SGSM1: variants seen among roughly 807,000 people sequenced by gnomAD.
SGSM1 encodes RUN and TBC1 domain containing 2.
In SGSM1, 73 loss-of-function variants were observed where a neutral mutation model predicts 133.8. The observed-to-expected ratio is 0.55, with a 90% CI of 0.45 to 0.66. SGSM1 has a LOEUF of 0.66. SGSM1 is among the 30% of genes least tolerant of loss of function. The probability of loss-of-function intolerance (pLI) is 0.00; values close to 1 mark genes in which losing one functional copy is unlikely to be tolerated. For synonymous variants in SGSM1, 563 were observed against 573.0 expected (o/e 0.98, Z 0.25); for missense variants, 1,213 against 1,448.1 (o/e 0.84, Z 2.64).
At chr22:24,822,618 G>A (rs529445231) in intron 2 of SGSM1, among the ~76,000 whole-genome samples, 2 of 152,330 alleles carry the variant, frequency 1.3e-5, no homozygotes, top group South Asian at 2.1e-4. Flanking sequence ...TGCTGGGCAT[G>A]CAGGGAGAGG....
intron 10 of SGSM1, among the ~76,000 whole-genome samples, chr22:24,867,766 C>T (rs1281076855): frequency 1.3e-5 from 2 of 152,150 alleles, no homozygotes; most frequent in Non-Finnish European, 2.9e-5. Context: ...GAACAAAACA[C>T]GGTGATTTAA....
In SGSM1 at chr22:24,859,733, T is replaced by C. The variant is rs1188746323; in HGVS notation, c.819T>C (p.Ala273=). 1.9e-6 allele frequency: 3 copies of C among 1,613,806 alleles called. No individual in the cohort carries two copies. Among genetic ancestry groups the C allele is most frequent in the African/African-American group, 2.7e-5 (2 of 74,938 alleles). The part of the protein sequence containing the change: ...VLVQPRDDME[A]VPGYLSLHQT... ...CTCTGCAGAGGGACGACATGGAGGC[T>C]GTGCCAGGGTACCTGTCCCTGCACC... The change falls in exon 9 of 25, where the codon GCT becomes GCC. Residue 273 remains alanine (A), a synonymous_variant. Transcript: ENST00000400358.
chr22:24,859,827 G>A lies in SGSM1; in HGVS notation c.913G>A (p.Asp305Asn). Residue 305 changes from aspartate to asparagine, a missense_variant, in exon 9 of 25, where the codon GAC (aspartate) becomes AAC (asparagine). Coordinates refer to ENST00000400358, the MANE Select transcript of SGSM1 (RefSeq NM_001098497.3). ...QLMNGSVGDL[D>N]YEKSVYWDYA... ...GATGAACGGGTCTGTGGGGGACCTG[G>A]ACTATGAGAAGAGGTAGGGCACTGG... is the stretch of plus-strand genomic sequence containing the variant. 1.9e-6 allele frequency: 3 copies of A among 1,613,788 alleles called. No homozygotes were observed. Among genetic ancestry groups the A allele is most frequent in the Non-Finnish European group, 2.5e-6 (3 of 1,179,816 alleles).
chr22:24,925,949 G>A lies in SGSM1; in HGVS notation c.*1675G>A, dbSNP rs956595400. On this transcript the variant is annotated 3_prime_UTR_variant, in exon 25 of 25. Transcript: ENST00000400358. ...ATAGAGCAGTCTTTCCCGCTCTTCT[G>A]TTCTGAGAATGCACCCGGAATGGGG... 3 of 152,234 alleles carry A rather than the reference G, an allele frequency of 2.0e-5. No individual in the cohort carries two copies. The highest frequency in any genetic ancestry group is 7.2e-5 in the African/African-American group (3 of 41,422). The allele number at this position is 152,234 out of a possible 1,614,324, so 9.4% of individuals were successfully genotyped here.
At chr22:24,845,945 C>CTTTCTTTCT (rs1555924239) in intron 3 of SGSM1, among the ~76,000 whole-genome samples, 517 of 32,656 alleles carry the variant, frequency 0.016, 7 homozygotes, top group African/African-American at 0.043. Flanking sequence ...CTTTTCTTTT[C>CTTTCTTTCT]TTTCTTTCTT....
At chr22:24,828,885 T>C (rs111632491) in intron 2 of SGSM1, among the ~76,000 whole-genome samples, 1 of 152,114 alleles carries the variant, frequency 6.6e-6, no homozygotes, top group African/African-American at 2.4e-5. Context: ...CATAGAATAT[T>C]ATGCAGCCAC....
Position 24,844,964 on chromosome 22 carries a change from CCTT to C in SGSM1, c.134_136del (p.Phe45del), listed in dbSNP as rs1569144218. ...CACGAAGACAGCAGCCACATCATCT[CCTT>C]CTGTGGTGAGTCTGTGACCTGGGAA... On this transcript the variant is annotated inframe_deletion, in exon 3 of 25. Transcript: ENST00000400358. 1.2e-6 allele frequency: 2 copies of C among 1,613,798 alleles called. No homozygotes were observed. Among genetic ancestry groups the C allele is most frequent in the East Asian group, 2.2e-5 (1 of 44,856 alleles).
chr22:24,863,678 C>T (rs1291072061), intron 9 of SGSM1, among the ~76,000 whole-genome samples: 1 of 151,666 alleles, frequency 6.6e-6, no homozygotes, highest in Non-Finnish European at 1.5e-5. Flanking sequence ...CCTTGGGGGA[C>T]CAAGAAGCAA....
At chr22:24,868,655 C>T in intron 11 of SGSM1, 68 bp from the exon 12 acceptor site, 4 of 1,609,250 alleles carry the variant, frequency 2.5e-6, no homozygotes, top group South Asian at 1.1e-5. Flanking sequence ...CCACTGATAC[C>T]CTCAGACTAA....
In SGSM1 at chr22:24,898,461, C is replaced by A. The variant is rs1293126654; in HGVS notation, c.2512C>A (p.Pro838Thr). The A allele has an allele frequency of 1.2e-6, 2 of 1,613,714 alleles. No individual in the cohort carries two copies. The highest frequency in any genetic ancestry group is 1.3e-5 in the African/African-American group (1 of 74,904). The change falls in exon 19 of 25, where the codon CCT becomes ACT. Residue 838 changes from proline to threonine, a missense_variant. Transcript: ENST00000400358. ...ADSEDNLSEE[P>T]EMESLFPALA... ...CAGTGAGGACAACCTCTCGGAGGAG[C>A]CTGAGATGGAAAGTCTCTTCCCTGC...
At chr22:24,920,061 G>C (rs1403127054) in intron 24 of SGSM1, 68 bp downstream of exon 24, 1 of 1,496,108 alleles carries the variant, frequency 6.7e-7, no homozygotes, top group Admixed American at 2.0e-5. Flanking sequence ...GGCATCTCAG[G>C]AGGAATGAAG....
At chr22:24,859,591 G>T in intron 8 of SGSM1, 125 bp from the exon 9 acceptor site, 1 of 1,325,764 alleles carries the variant, frequency 7.5e-7, no homozygotes, top group Non-Finnish European at 1.0e-6. Context: ...CACATGGCCA[G>T]GGCCTTGAAG....
intron 16 of SGSM1, among the ~76,000 whole-genome samples, chr22:24,890,374 A>G (rs1049623491): frequency 6.6e-6 from 1 of 152,190 alleles, no homozygotes; most frequent in Non-Finnish European, 1.5e-5. Flanking sequence ...CAAAAGTAAG[A>G]GGTCCCAGGT....
rs145174483 is a variant in SGSM1 at position 24,909,742 on chromosome 22, G to A, written c.2819-2901G>A. Among the ~76,000 whole-genome samples, 76 of 152,022 alleles carry A rather than the reference G, an allele frequency of 5.0e-4. No homozygotes were observed. The South Asian group carries it at 0.014, about 27-fold the overall frequency. ...AAGTGCTGGGATTACAGGCGTGAGC[G>A]ACCATGCCTGGCTGGTTTGGCCACT... On this transcript the variant is annotated intron_variant, in intron 21 of 24. Coordinates refer to ENST00000400358, the MANE Select transcript of SGSM1 (RefSeq NM_001098497.3).
chr22:24,906,703 C>T lies in SGSM1; in HGVS notation c.2818+1516C>T, dbSNP rs139140272. Among the ~76,000 whole-genome samples, 354 of 152,224 alleles carry T rather than the reference C, an allele frequency of 2.3e-3. 2 individuals carry two copies. The highest frequency in any genetic ancestry group is 8.0e-3 in the African/African-American group (331 of 41,532). On this transcript the variant is annotated intron_variant, in intron 21 of 24. Transcript: ENST00000400358. ...ATCCCAGCGTTTCGGGAGGCCAAGG[C>T]GGGTGGATCACCTGAGGTCAGGAGT...
chr22:24,920,465 C>T (rs1055306153), intron 24 of SGSM1, among the ~76,000 whole-genome samples: 2 of 152,128 alleles, frequency 1.3e-5, no homozygotes, highest in Non-Finnish European at 2.9e-5. Flanking sequence ...TGACTTTGTC[C>T]AAGTGACTTC....
At chr22:24,890,209 G>A (rs1454991971) in intron 16 of SGSM1, among the ~76,000 whole-genome samples, 1 of 152,188 alleles carries the variant, frequency 6.6e-6, no homozygotes, top group Non-Finnish European at 1.5e-5. Context: ...GCCCGCCTTG[G>A]CCTCCCAAAG....
At chr22:24,911,994 G>A (rs1933641432) in intron 21 of SGSM1, among the ~76,000 whole-genome samples, 2 of 151,488 alleles carry the variant, frequency 1.3e-5, no homozygotes, top group African/African-American at 4.9e-5. Context: ...GGCGGAGCTT[G>A]CAGTGAGCCA....
At position 24,913,220 on chromosome 22, in the gene SGSM1, G is replaced by C. The variant is rs796980017; in HGVS notation, c.2928+468G>C. Among the ~76,000 whole-genome samples, 15 of 150,646 alleles carry C rather than the reference G, an allele frequency of 1.0e-4. 1 individual carries two copies. Among genetic ancestry groups the C allele is most frequent in the African/African-American group, 3.4e-4 (14 of 40,814 alleles). ...AGGCAGGAGAATGGCGTGAACCTGG[G>C]AGGCAGAGCTTGCAGTGAGCCGAGA... is the stretch of plus-strand genomic sequence containing the variant. On this transcript the variant is annotated intron_variant, in intron 22 of 24. Transcript: ENST00000400358.
Sources: gnomAD v4.1 joint callset for allele counts (sites outside exome capture counted in the v4.1 genomes callset) on GRCh38, gnomAD v4.1.1 for gene constraint, MANE v1.5 for transcripts, NCBI Gene and HGNC (gene_info 2026-07-23, HGNC 2026-07-21) for gene names.